Variants in HCN1 observed in about 807,000 individuals in gnomAD.
HCN1 encodes the protein hyperpolarization activated cyclic nucleotide gated potassium channel 1.
Under a neutral mutation model 78.9 loss-of-function variants are expected in HCN1, and 13 were observed. The observed-to-expected ratio is 0.16, with a 90% CI of 0.11 to 0.26. The LOEUF (loss-of-function observed/expected upper bound fraction) is 0.26, where lower values mean the gene tolerates loss of function less well. Ranked by LOEUF, HCN1 falls within the 10% of genes least tolerant of loss-of-function variation. The pLI is 1.00. For missense variants in HCN1, 810 were observed against 1,154.3 expected, an observed-to-expected ratio of 0.70 and a Z score of 4.32; for synonymous variants, 552 against 455.5, an observed-to-expected ratio of 1.21 and a Z score of -2.70.
chr5:45,303,115 C>A (rs1425475320), intron 6 of HCN1, among the ~76,000 whole-genome samples: 1 of 152,164 alleles, frequency 6.6e-6, no homozygotes, highest in African/African-American at 2.4e-5. Flanking sequence ...GATCCTATAC[C>A]AATTCTGGGC....
At chr5:45,498,677 C>A (rs1415834190) in intron 2 of HCN1, among the ~76,000 whole-genome samples, 1 of 152,100 alleles carries the variant, frequency 6.6e-6, no homozygotes, top group Non-Finnish European at 1.5e-5. Context: ...TTTAGAGTTT[C>A]CAGTTTTTCT....
chr5:45,593,700 A>G (rs1744433084), intron 2 of HCN1, among the ~76,000 whole-genome samples: 1 of 151,686 alleles, frequency 6.6e-6, no homozygotes, highest in East Asian at 1.9e-4. Context: ...TTAAAGACAG[A>G]GTCTTGCTCT....
intron 6 of HCN1, among the ~76,000 whole-genome samples, chr5:45,268,388 C>T (rs1339825930): frequency 6.6e-6 from 1 of 151,974 alleles, no homozygotes; most frequent in South Asian, 2.1e-4. Flanking sequence ...CATTTAGCTT[C>T]AAAATAACAA....
At chr5:45,272,501 G>A (rs114510199) in intron 6 of HCN1, among the ~76,000 whole-genome samples, 2,022 of 152,058 alleles carry the variant, frequency 0.013, 23 homozygotes, top group Middle Eastern at 0.058. Context: ...TATAGTGCCT[G>A]CTACATTGAG....
At chr5:45,683,671 T>C (rs1317438694) in intron 1 of HCN1, among the ~76,000 whole-genome samples, 2 of 151,658 alleles carry the variant, frequency 1.3e-5, no homozygotes, top group Non-Finnish European at 2.9e-5. Context: ...ATATGTTTTG[T>C]CTTTTTTTTT....
At chr5:45,297,773 T>A (rs1745529452) in intron 6 of HCN1, among the ~76,000 whole-genome samples, 1 of 152,084 alleles carries the variant, frequency 6.6e-6, no homozygotes, top group African/African-American at 2.4e-5. Context: ...AAAAGTTATT[T>A]TAGGCATGCA....
At chr5:45,623,174 G>A (rs1745102085) in intron 2 of HCN1, among the ~76,000 whole-genome samples, 2 of 152,098 alleles carry the variant, frequency 1.3e-5, no homozygotes, top group South Asian at 4.2e-4. Context: ...TAATTTTAAT[G>A]TTTTTAATAT....
chr5:45,350,551 AG>A (rs1364899990), intron 5 of HCN1, among the ~76,000 whole-genome samples: 3 of 151,652 alleles, frequency 2.0e-5, no homozygotes, highest in African/African-American at 7.3e-5. Context: ...AAGGAAATAA[AG>A]GGTATTCAAT....
chr5:45,436,940 A>G (rs1740570504), intron 3 of HCN1, among the ~76,000 whole-genome samples: 1 of 152,220 alleles, frequency 6.6e-6, no homozygotes, highest in South Asian at 2.1e-4. Context: ...CAGTAAATGA[A>G]AACTTGGATT....
chr5:45,370,962 T>C (rs1407772522), intron 4 of HCN1, among the ~76,000 whole-genome samples: 4 of 152,212 alleles, frequency 2.6e-5, no homozygotes, highest in African/African-American at 9.6e-5. Flanking sequence ...TTGGTGATTT[T>C]ATTTGCTAGG....
At chr5:45,471,721 T>C (rs1741392804) in intron 2 of HCN1, among the ~76,000 whole-genome samples, 1 of 151,976 alleles carries the variant, frequency 6.6e-6, no homozygotes, top group Non-Finnish European at 1.5e-5. Context: ...AAAGTATTTA[T>C]ATAACTCAAA....
chr5:45,262,117 C>G lies in HCN1; in HGVS notation c.2477G>C (p.Gly826Ala). The change falls in exon 8 of 8, where the codon GGC becomes GCC. Residue 826 changes from glycine to alanine, a missense_variant. By Grantham distance (60) the Gly-to-Ala change is moderately conservative. Around this residue, in one of 6 missense-constraint regions of HCN1, gnomAD observed 398 missense variants for 381.3 expected, o/e 1.04. Coordinates refer to ENST00000303230, the MANE Select transcript of HCN1 (RefSeq NM_021072.4). ...AGTGCTCCTGCCCCCTGCCTGAAGG[C>G]CCGTTCCGGGGACCGCCGTCACGGG... is the stretch of plus-strand genomic sequence containing the variant. ...PQPVTAVPGT[G>A]LQAGGRSTVP... 6.2e-7 allele frequency: 1 copy of G among 1,612,778 alleles called. No homozygotes were observed. Among genetic ancestry groups the G allele is most frequent in the Non-Finnish European group, 8.5e-7 (1 of 1,179,202 alleles).
intron 3 of HCN1, among the ~76,000 whole-genome samples, chr5:45,424,119 C>CAAAAAAAA (rs35117761): frequency 3.2e-3 from 217 of 67,880 alleles, no homozygotes; most frequent in East Asian, 7.1e-3. Flanking sequence ...ACTAAAAATC[C>CAAAAAAAA]AAAAAAAAAA....
intron 2 of HCN1, among the ~76,000 whole-genome samples, chr5:45,597,969 C>T (rs1464132117): frequency 2.6e-5 from 4 of 152,100 alleles, no homozygotes; most frequent in East Asian, 1.9e-4. Context: ...GAATCAACAT[C>T]GTGAAAATGG....
In HCN1 at chr5:45,664,381, G is replaced by A. The variant is rs1268504393; in HGVS notation, c.426-18773C>T. On this transcript the variant is annotated intron_variant, in intron 1 of 7. Coordinates refer to ENST00000303230, the MANE Select transcript of HCN1 (RefSeq NM_021072.4). ...TAGATGACACGTTAGTGGGTGCAGC[G>A]CACCAGCATGGCACATGTATACATA... Among the ~76,000 whole-genome samples the A allele has an allele frequency of 2.6e-4, 36 of 138,878 alleles. 1 individual carries two copies. The highest frequency in any genetic ancestry group is 2.3e-3 in the Admixed American group (31 of 13,720). 91.1% of individuals were successfully genotyped at this position (138,878 alleles called of 152,430 possible).
At chr5:45,355,849 G>A (rs1420702185) in intron 4 of HCN1, among the ~76,000 whole-genome samples, 1 of 151,988 alleles carries the variant, frequency 6.6e-6, no homozygotes, top group African/African-American at 2.4e-5. Flanking sequence ...CACAGGGGGT[G>A]TGGTCAAAAG....
chr5:45,348,482 C>A (rs968262023), intron 5 of HCN1, among the ~76,000 whole-genome samples: 1 of 152,162 alleles, frequency 6.6e-6, no homozygotes, highest in African/African-American at 2.4e-5. Flanking sequence ...AACCAGCTAA[C>A]ATCATAATGA....
intron 2 of HCN1, among the ~76,000 whole-genome samples, chr5:45,498,450 C>G (rs7701894): frequency 0.054 from 8,253 of 152,190 alleles, 304 homozygotes; most frequent in East Asian, 0.14. Flanking sequence ...CTCCTTTAAG[C>G]ACTTCTCTGT....
chr5:45,371,844 A>G (rs1435639194), intron 4 of HCN1, among the ~76,000 whole-genome samples: 1 of 129,314 alleles, frequency 7.7e-6, no homozygotes, highest in Admixed American at 9.9e-5. Flanking sequence ...TATTATATAT[A>G]AAATATATAT....
Sources: allele counts gnomAD v4.1 joint callset (sites outside exome capture counted in the v4.1 genomes callset), GRCh38; gene constraint gnomAD v4.1.1; regional missense constraint gnomAD v4.1.1; transcripts MANE v1.5; gene names NCBI Gene and HGNC (gene_info 2026-07-23, HGNC 2026-07-21).